NOL4L: variants seen among roughly 807,000 people sequenced by gnomAD.
NOL4L encodes the protein nucleolar protein 4 like, also known as nucleolar protein 4-like.
A neutral mutation model predicts 64.5 loss-of-function variants in NOL4L; 7 were observed. The observed-to-expected ratio is 0.11, with a 90% CI of 0.06 to 0.20. The LOEUF is 0.20. NOL4L is among the 10% of genes least tolerant of loss of function. NOL4L has a pLI of 1.00. For synonymous variants in NOL4L, 413 were observed against 401.0 expected, an observed-to-expected ratio of 1.03 and a Z score of -0.36; for missense variants, 680 against 967.1, an observed-to-expected ratio of 0.70 and a Z score of 3.94.
intron 4 of NOL4L, chr20:32,510,324 A>T (rs1420475542): frequency 3.8e-6 from 1 of 265,324 alleles, no homozygotes; most frequent in East Asian, 8.7e-5. Context: ...CTTGAAAGGA[A>T]TACGCAGCTC....
At chr20:32,523,146 T>C (rs1349918751) in intron 2 of NOL4L, among the ~76,000 whole-genome samples, 1 of 152,122 alleles carries the variant, frequency 6.6e-6, no homozygotes, top group Non-Finnish European at 1.5e-5. Flanking sequence ...AAAGGCTGGC[T>C]GGCGTGCCAC....
intron 10 of NOL4L, chr20:32,450,119 TTA>T (rs1321180055): frequency 1.3e-5 from 2 of 152,174 alleles, no homozygotes; most frequent in Admixed American, 1.3e-4. Flanking sequence ...TGAGCATGAG[TTA>T]CCCAGCACCC....
At chr20:32,576,282 TCCAGGCTTGGA>T (rs1980099809) in intron 1 of NOL4L, among the ~76,000 whole-genome samples, 2 of 152,086 alleles carry the variant, frequency 1.3e-5, no homozygotes, top group African/African-American at 4.8e-5. Context: ...CAGCCACCTC[TCCAGGCTTGGA>T]CCAGGCTAGA....
At chr20:32,536,392 A>T in intron 1 of NOL4L, 5 of 793,510 alleles carry the variant, frequency 6.3e-6, no homozygotes, top group Non-Finnish European at 7.5e-6. Flanking sequence ...GTGGGGCTGG[A>T]GGGGGAGGGG....
chr20:32,456,432 G>A (rs948967370), intron 5 of NOL4L, 37 bp from the exon 6 acceptor site: 2 of 1,432,900 alleles, frequency 1.4e-6, no homozygotes, highest in Non-Finnish European at 1.8e-6. Flanking sequence ...CCCCACCCAA[G>A]GCACTGTGGC....
At chr20:32,565,013 C>T (rs1979336095) in intron 1 of NOL4L, 1 of 152,360 alleles carries the variant, frequency 6.6e-6, no homozygotes, top group Non-Finnish European at 1.5e-5. Context: ...TGACTAGCGC[C>T]CTGGGGCTTG....
intron 6 of NOL4L, chr20:32,454,172 G>A (rs1251948885): frequency 3.7e-5 from 7 of 189,378 alleles, no homozygotes; most frequent in East Asian, 1.2e-4. Context: ...TTTTGGCTTC[G>A]GGGTTTTCCT....
intron 1 of NOL4L, among the ~76,000 whole-genome samples, chr20:32,538,477 C>CCCTT (rs1322145068): frequency 1.3e-5 from 1 of 76,016 alleles, no homozygotes; most frequent in Non-Finnish European, 2.8e-5. Context: ...CTCCCTCCCT[C>CCCTT]CCTCCCTCCC....
At chr20:32,489,990 G>T (rs1276987950) in intron 4 of NOL4L, among the ~76,000 whole-genome samples, 1 of 151,282 alleles carries the variant, frequency 6.6e-6, no homozygotes, top group Admixed American at 6.6e-5. Flanking sequence ...TTAGCTGGGC[G>T]TGGTGGTGCG....
At chr20:32,506,521 C>T (rs559370891) in intron 4 of NOL4L, among the ~76,000 whole-genome samples, 4 of 152,162 alleles carry the variant, frequency 2.6e-5, no homozygotes, top group South Asian at 2.1e-4. Flanking sequence ...ATTAGCCGGG[C>T]GTGGTGGTGC....
chr20:32,565,516 G>A (rs1043649545), intron 1 of NOL4L, among the ~76,000 whole-genome samples: 8 of 152,108 alleles, frequency 5.3e-5, no homozygotes, highest in Admixed American at 2.6e-4. Flanking sequence ...CTCCTGCCCC[G>A]CACCCCCTGG....
At chr20:32,517,383 G>C (rs1347954260) in intron 3 of NOL4L, among the ~76,000 whole-genome samples, 2 of 152,234 alleles carry the variant, frequency 1.3e-5, no homozygotes, top group Non-Finnish European at 2.9e-5. Flanking sequence ...AGGGAGGGCT[G>C]GCAATGCAGG....
intron 4 of NOL4L, among the ~76,000 whole-genome samples, chr20:32,501,420 A>G (rs919886415): frequency 9.2e-5 from 14 of 152,258 alleles, no homozygotes; most frequent in African/African-American, 3.4e-4. Context: ...AAATGTTACA[A>G]TGAAAATTAA....
chr20:32,488,733 T>TTTTCTTTC (rs954494339), intron 4 of NOL4L, among the ~76,000 whole-genome samples: 2 of 149,586 alleles, frequency 1.3e-5, no homozygotes, highest in Admixed American at 6.6e-5. Context: ...TCTTTCTTTC[T>TTTTCTTTC]TTTCTTTCTT....
intron 4 of NOL4L, among the ~76,000 whole-genome samples, chr20:32,491,404 A>T (rs2016464329): frequency 6.6e-6 from 1 of 152,220 alleles, no homozygotes; most frequent in Non-Finnish European, 1.5e-5. Context: ...CACCTCAGCC[A>T]AATCAAGATC....
At chr20:32,513,062 C>A (rs960999556) in intron 3 of NOL4L, among the ~76,000 whole-genome samples, 5 of 152,154 alleles carry the variant, frequency 3.3e-5, no homozygotes, top group Non-Finnish European at 7.4e-5. Flanking sequence ...GGACTTCAGG[C>A]CAGATTCATT....
intron 1 of NOL4L, among the ~76,000 whole-genome samples, chr20:32,546,053 A>C (rs895367542): frequency 2.0e-5 from 3 of 149,858 alleles, no homozygotes; most frequent in African/African-American, 7.4e-5. Context: ...GGTTCAGGCG[A>C]TTCTCCTGCC....
At chr20:32,502,938 A>G (rs2016984672) in intron 4 of NOL4L, among the ~76,000 whole-genome samples, 2 of 152,198 alleles carry the variant, frequency 1.3e-5, no homozygotes. Context: ...TAAAAAATAA[A>G]TAAATGCAAA....
intron 4 of NOL4L, among the ~76,000 whole-genome samples, chr20:32,477,648 C>A (rs957023333): frequency 6.6e-6 from 1 of 152,244 alleles, no homozygotes; most frequent in African/African-American, 2.4e-5. Context: ...ACTCTGGTCC[C>A]ATTGCGCACA....
Sources: allele counts gnomAD v4.1 joint callset (sites outside exome capture counted in the v4.1 genomes callset), GRCh38; gene constraint gnomAD v4.1.1; transcripts MANE v1.5; gene names NCBI Gene and HGNC (gene_info 2026-07-23, HGNC 2026-07-21).